RELCH: variants seen among roughly 807,000 people sequenced by gnomAD.
RELCH encodes the protein RAB11 binding and LisH domain, coiled-coil and HEAT repeat containing, also known as RAB11-binding protein RELCH.
RELCH carries 41 observed loss-of-function variants against 150.3 expected under a neutral mutation model. That is an observed-to-expected ratio of 0.27 (90% CI 0.21 to 0.35). RELCH has a LOEUF of 0.35. Among genes scored for constraint, RELCH ranks in the 10% least tolerant of loss-of-function variants. RELCH has a pLI of 1.00. For missense variants in RELCH, 1,092 were observed against 1,467.8 expected (o/e 0.74, Z 4.18); for synonymous variants, 478 against 531.8 (o/e 0.90, Z 1.39).
At position 62,187,630 on chromosome 18, in the gene RELCH, G is replaced by C; in HGVS notation, c.125G>C (p.Gly42Ala). The change falls in exon 1 of 29, where the codon GGC becomes GCC. Residue 42 changes from glycine to alanine, a missense_variant. Gly to Ala is a moderately conservative substitution (Grantham distance 60, BLOSUM62 0). Coordinates refer to ENST00000644646, the MANE Select transcript of RELCH (RefSeq NM_001346231.2). ...TEERRAVLRL[G>A]AGSGLDPGSA... ...GAACGGCGGGCAGTACTTCGGCTGGGCGCCGGAAGTGGCCTAGATCCTGGC... is the reference window on the plus strand; with the variant it reads ...GAACGGCGGGCAGTACTTCGGCTGGCCGCCGGAAGTGGCCTAGATCCTGGC... 1 of 1,538,050 alleles carries C rather than the reference G, an allele frequency of 6.5e-7. No individual in the cohort carries two copies. Among genetic ancestry groups the C allele is most frequent in the Non-Finnish European group, 8.8e-7 (1 of 1,140,612 alleles).
At position 62,195,280 on chromosome 18, in the gene RELCH, C is replaced by G. The variant is rs62094269; in HGVS notation, c.526+7249C>G. Reference sequence around the variant, plus strand: ...TTATTTGCTGGAATATACACACACTCTGTGTGTGTGTGTGTGTGTGTGTGT... The same window carrying G: ...TTATTTGCTGGAATATACACACACTGTGTGTGTGTGTGTGTGTGTGTGTGT... On this transcript the variant is annotated intron_variant, in intron 1 of 28. Transcript: ENST00000644646. Among the ~76,000 whole-genome samples, 498 of 136,332 alleles carry G rather than the reference C, an allele frequency of 3.7e-3. 6 individuals are homozygous for G. Among genetic ancestry groups the G allele is most frequent in the African/African-American group, 8.6e-3 (334 of 38,954 alleles). 89.4% of individuals were successfully genotyped at this position (136,332 alleles called of 152,430 possible).
At chr18:62,251,332 A>G (rs939510347) in intron 11 of RELCH, among the ~76,000 whole-genome samples, 1 of 152,198 alleles carries the variant, frequency 6.6e-6, no homozygotes, top group Non-Finnish European at 1.5e-5. Flanking sequence ...TTAATCACAC[A>G]GTTGGTCATT....
chr18:62,231,146 C>CTCCTTA, intron 8 of RELCH, 48 bp from the exon 9 acceptor site: 1 of 1,196,508 alleles, frequency 8.4e-7, no homozygotes, highest in Non-Finnish European at 1.2e-6. Context: ...CCTTAAATGT[C>CTCCTTA]AATGGTAATT....
rs890412395 is a variant in RELCH, at chr18:62,228,501, G to C, written c.1351G>C (p.Glu451Gln). Residue 451 changes from glutamate to glutamine, a missense_variant, in exon 8 of 29, where the codon GAG becomes CAG. Glu to Gln is a conservative substitution (Grantham distance 29, BLOSUM62 2). Coordinates refer to ENST00000644646, the MANE Select transcript of RELCH (RefSeq NM_001346231.2). ...SDEADSTIPK[E>Q]NSPNSFPRRE... ...TGAAGCTGATTCCACTATTCCTAAA[G>C]AGAATTCCCCAAATTCATTCCCCAG... The C allele has an allele frequency of 1.2e-6, 2 of 1,613,076 alleles. No individual in the cohort carries two copies. Among genetic ancestry groups the C allele is most frequent in the African/African-American group, 2.7e-5 (2 of 74,834 alleles).
intron 16 of RELCH, among the ~76,000 whole-genome samples, chr18:62,261,952 C>T (rs1033131491): frequency 6.6e-6 from 1 of 151,838 alleles, no homozygotes; most frequent in Non-Finnish European, 1.5e-5. Context: ...TATTTCCTTC[C>T]GTTAATAGAT....
intron 10 of RELCH, among the ~76,000 whole-genome samples, chr18:62,234,455 G>A (rs951930550): frequency 1.7e-4 from 26 of 151,550 alleles, no homozygotes; most frequent in Non-Finnish European, 2.1e-4. Flanking sequence ...TCCTGTGATT[G>A]AAGGATTAAT....
At chr18:62,263,668 AC>A (rs1461081392) in intron 16 of RELCH, among the ~76,000 whole-genome samples, 2 of 151,998 alleles carry the variant, frequency 1.3e-5, no homozygotes, top group African/African-American at 4.8e-5. Context: ...CACAACATGA[AC>A]AAATATTTAT....
chr18:62,208,078 A>T (rs1186136121), intron 1 of RELCH, among the ~76,000 whole-genome samples: 1 of 152,108 alleles, frequency 6.6e-6, no homozygotes, highest in Admixed American at 6.5e-5. Context: ...CTTTTACTAC[A>T]ACCATCTAGT....
At chr18:62,244,014 A>G (rs2042278963) in intron 10 of RELCH, among the ~76,000 whole-genome samples, 1 of 152,040 alleles carries the variant, frequency 6.6e-6, no homozygotes, top group South Asian at 2.1e-4. Flanking sequence ...ATCCACTCAA[A>G]TGAAAAACAT....
chr18:62,244,792 C>G lies in RELCH; in HGVS notation c.1649C>G (p.Ala550Gly). 6.2e-7 allele frequency: 1 copy of G among 1,612,630 alleles called. No homozygotes were observed. Among genetic ancestry groups the G allele is most frequent in the Non-Finnish European group, 8.5e-7 (1 of 1,178,750 alleles). ...EELIPLILCT[A>G]CLHPEPKERD... ...TTGATCCCCCTCATATTGTGTACAG[C>G]ATGTCTACATCCTGAGCCTAAAGAG... The change falls in exon 11 of 29, where the codon GCA becomes GGA. Residue 550 changes from alanine (A) to glycine (G), a missense_variant. Transcript: ENST00000644646.
At position 62,305,824 on chromosome 18, in the gene RELCH, T is replaced by A. The variant is rs1213176180; in HGVS notation, c.*290T>A. On this transcript the variant is annotated 3_prime_UTR_variant, in exon 29 of 29. Transcript: ENST00000644646. The surrounding 1 kb of genome is among the most constrained non-coding windows in gnomAD (Gnocchi z 4.0). ...TATAAATATATATATAGTGAAGAAG[T>A]TTTTTTTAATTTTTGGATGGGATAT... The A allele has an allele frequency of 6.3e-6, 1 of 159,588 alleles. No individual in the cohort carries two copies. The highest frequency in any genetic ancestry group is 1.4e-5 in the Non-Finnish European group (1 of 73,302). The allele number at this position is 159,588 out of a possible 1,614,324, so 9.9% of individuals were successfully genotyped here. A position where few individuals can be genotyped will look rare whatever the true frequency, so the allele number is the denominator to read the frequency against.
At chr18:62,212,837 T>C (rs2040251382) in intron 2 of RELCH, among the ~76,000 whole-genome samples, 1 of 152,220 alleles carries the variant, frequency 6.6e-6, no homozygotes, top group East Asian at 1.9e-4. Flanking sequence ...ATAAATGATT[T>C]TCATTCCTTG....
chr18:62,255,372 GT>G lies in RELCH; in HGVS notation c.1825-32del, dbSNP rs764777368. 35 of 1,441,368 alleles carry G rather than the reference GT, an allele frequency of 2.4e-5. No individual in the cohort carries two copies. The African/African-American group carries it at 4.7e-4, about 20-fold the overall frequency. The allele number at this position is 1,441,368 out of a possible 1,614,324, so 89.3% of individuals were successfully genotyped here. On this transcript the variant is annotated intron_variant, in intron 12 of 28. Coordinates refer to ENST00000644646, the MANE Select transcript of RELCH (RefSeq NM_001346231.2). ...CTTTTGAAGGAAGGGAGGGTATGCT[GT>G]TTATGCTTGATTTATTTATTTTTTT... is the stretch of plus-strand genomic sequence containing the variant.
At chr18:62,295,518 G>A (rs774638957) in intron 27 of RELCH, among the ~76,000 whole-genome samples, 25 of 151,666 alleles carry the variant, frequency 1.6e-4, no homozygotes, top group Non-Finnish European at 3.4e-4. Flanking sequence ...ACTTCTTGAG[G>A]AGGAAGCTTA....
chr18:62,198,558 C>T (rs2039204134), intron 1 of RELCH, among the ~76,000 whole-genome samples: 1 of 152,184 alleles, frequency 6.6e-6, no homozygotes. Context: ...ATTTCTGTTA[C>T]TTCAAACCAC....
chr18:62,261,428 G>A, intron 15 of RELCH, 83 bp from the exon 16 acceptor site: 3 of 1,299,976 alleles, frequency 2.3e-6, no homozygotes, highest in Non-Finnish European at 3.2e-6. Flanking sequence ...ATTTGCCACA[G>A]TAAGGAAGAA....
intron 10 of RELCH, among the ~76,000 whole-genome samples, chr18:62,241,439 C>T (rs2042143521): frequency 6.6e-6 from 1 of 152,032 alleles, no homozygotes; most frequent in African/African-American, 2.4e-5. Flanking sequence ...GAAATGCAAA[C>T]ACATAAGTTT....
At chr18:62,215,786 T>G (rs981365847) in intron 2 of RELCH, among the ~76,000 whole-genome samples, 1 of 152,134 alleles carries the variant, frequency 6.6e-6, no homozygotes, top group Admixed American at 6.5e-5. Context: ...GAGCCCACAA[T>G]AGATCTTTTA....
In RELCH at chr18:62,279,970, A is replaced by G. The variant is rs184529505; in HGVS notation, c.3050+114A>G. ...AATCTCTTTAAATTAATAATACTGG[A>G]TTATGCTTATTTGATTTTAAACTTT... is the stretch of plus-strand genomic sequence containing the variant. On this transcript the variant is annotated intron_variant, in intron 23 of 28. Coordinates refer to ENST00000644646, the MANE Select transcript of RELCH (RefSeq NM_001346231.2). 29 of 668,430 alleles carry G rather than the reference A, an allele frequency of 4.3e-5. No individual in the cohort carries two copies. In the Admixed American group the frequency reaches 5.8e-4, roughly 13 times the overall value. 41.4% of individuals were successfully genotyped at this position (668,430 alleles called of 1,614,324 possible). A position where few individuals can be genotyped will look rare whatever the true frequency, so the allele number is the denominator to read the frequency against.
Sources: allele counts gnomAD v4.1 joint callset (sites outside exome capture counted in the v4.1 genomes callset), GRCh38; gene constraint gnomAD v4.1.1; non-coding constraint Gnocchi (gnomAD v3.1); transcripts MANE v1.5; gene names NCBI Gene and HGNC (gene_info 2026-07-23, HGNC 2026-07-21).